CCDC141: variants seen among roughly 807,000 people sequenced by gnomAD.
CCDC141 encodes coiled-coil domain-containing protein 141.
A neutral mutation model predicts 181.0 loss-of-function variants in CCDC141; 168 were observed. That is an observed-to-expected ratio of 0.93 (90% CI 0.82 to 1.05). CCDC141 has a LOEUF of 1.05. Ranked by LOEUF, CCDC141 falls within the 50% of genes least tolerant of loss-of-function variation. The pLI is 0.00. For synonymous variants in CCDC141, 666 were observed against 642.3 expected (o/e 1.04, Z -0.56); for missense variants, 1,902 against 1,788.5 (o/e 1.06, Z -1.14).
intron 11 of CCDC141, among the ~76,000 whole-genome samples, chr2:178,881,056 A>C (rs1686581031): frequency 1.3e-5 from 2 of 152,202 alleles, no homozygotes; most frequent in African/African-American, 4.8e-5. Context: ...TTGTAGAAAA[A>C]GTGGGTACAA....
At chr2:179,024,634 G>A (rs1379731888) in intron 2 of CCDC141, among the ~76,000 whole-genome samples, 15 of 152,190 alleles carry the variant, frequency 9.9e-5, no homozygotes, top group Admixed American at 9.8e-4. Context: ...GAAGGTTTCA[G>A]AGAGCAATGA....
At chr2:178,984,880 C>G (rs1230261705) in intron 2 of CCDC141, among the ~76,000 whole-genome samples, 1 of 151,510 alleles carries the variant, frequency 6.6e-6, no homozygotes, top group Non-Finnish European at 1.5e-5. Context: ...GACTTTAACA[C>G]CCCACTGTCA....
intron 2 of CCDC141, among the ~76,000 whole-genome samples, chr2:179,015,594 G>GATATATA (rs2042488407): frequency 8.1e-5 from 3 of 36,904 alleles, no homozygotes; most frequent in African/African-American, 2.4e-4. Flanking sequence ...TATCTCATAT[G>GATATATA]TATCTCATAT....
intron 2 of CCDC141, among the ~76,000 whole-genome samples, chr2:179,030,610 T>A (rs552556630): frequency 6.6e-6 from 1 of 152,206 alleles, no homozygotes; most frequent in Non-Finnish European, 1.5e-5. Flanking sequence ...TTAGTATATT[T>A]TCATTTCATT....
chr2:178,891,941 C>G (rs1395900716), intron 8 of CCDC141, among the ~76,000 whole-genome samples: 1 of 152,008 alleles, frequency 6.6e-6, no homozygotes, highest in African/African-American at 2.4e-5. Flanking sequence ...GAACACATAG[C>G]CTTATAAGTA....
At chr2:178,849,927 C>A in intron 21 of CCDC141, 122 bp downstream of exon 21, 1 of 591,934 alleles carries the variant, frequency 1.7e-6, no homozygotes, top group Non-Finnish European at 3.0e-6. Context: ...AGCTGTAAAA[C>A]AAATGTGCAC....
intron 2 of CCDC141, among the ~76,000 whole-genome samples, chr2:179,028,552 T>C (rs2042919068): frequency 1.3e-5 from 2 of 152,218 alleles, no homozygotes; most frequent in African/African-American, 2.4e-5. Context: ...ATAAAGGACA[T>C]TCTGATTCAA....
intron 2 of CCDC141, among the ~76,000 whole-genome samples, chr2:178,986,111 A>G (rs1273364299): frequency 6.6e-6 from 1 of 152,212 alleles, no homozygotes; most frequent in Admixed American, 6.6e-5. Flanking sequence ...TCAAAAGCTT[A>G]TCCACCATGA....
intron 7 of CCDC141, among the ~76,000 whole-genome samples, chr2:178,911,858 G>A (rs1324492830): frequency 6.6e-6 from 1 of 152,238 alleles, no homozygotes; most frequent in African/African-American, 2.4e-5. Context: ...GAGGCACTAT[G>A]TGTAGATGAC....
In CCDC141 at chr2:178,880,998, A is replaced by G. The variant is rs114703228; in HGVS notation, c.1720-2855T>C. On this transcript the variant is annotated intron_variant, in intron 11 of 23. Coordinates refer to ENST00000443758, the MANE Select transcript of CCDC141 (RefSeq NM_173648.4). ...AGCTCATGACAGTTGGGGCTGAGGA[A>G]CCACTTTTGAGTTATTGGTGAAGAA... Among the ~76,000 whole-genome samples, 662 of 152,262 alleles carry G rather than the reference A, an allele frequency of 4.3e-3. 7 individuals are homozygous for G. Among genetic ancestry groups the G allele is most frequent in the African/African-American group, 0.015 (637 of 41,532 alleles).
intron 17 of CCDC141, among the ~76,000 whole-genome samples, chr2:178,857,872 T>C (rs1283198566): frequency 3.3e-5 from 5 of 152,174 alleles, no homozygotes; most frequent in African/African-American, 7.2e-5. Context: ...AAAAATATAC[T>C]TGCCCTACAA....
At chr2:178,983,685 C>T (rs1246068660) in intron 2 of CCDC141, among the ~76,000 whole-genome samples, 35 of 150,680 alleles carry the variant, frequency 2.3e-4, no homozygotes, top group South Asian at 2.1e-3. Context: ...CCTCAGGAGC[C>T]GATGCGATCA....
rs1396153038 is a variant in CCDC141 at position 178,837,616 on chromosome 2, G to C, written c.3603C>G (p.Leu1201=). The C allele has an allele frequency of 1.9e-6, 3 of 1,613,888 alleles. No homozygotes were observed. The African/African-American group carries it at 4.0e-5, about 22-fold the overall frequency. ...VQDLLLPEDM[L]SGEEYECVSP... Reference sequence around the variant, plus strand: ...AGACACACTCATATTCTTCCCCTGAGAGCATGTCTTCAGGCAGGAGCAGGT... The same window carrying C: ...AGACACACTCATATTCTTCCCCTGACAGCATGTCTTCAGGCAGGAGCAGGT... Residue 1201 remains leucine, a synonymous_variant, in exon 23 of 24, where the codon CTC becomes CTG. Coordinates refer to ENST00000443758, the MANE Select transcript of CCDC141 (RefSeq NM_173648.4).
At chr2:178,900,639 T>C (rs1269575794) in intron 8 of CCDC141, among the ~76,000 whole-genome samples, 2 of 152,126 alleles carry the variant, frequency 1.3e-5, no homozygotes, top group Non-Finnish European at 2.9e-5. Context: ...ACAGAATGTA[T>C]AAAAAATAAA....
rs59015092 is a variant in CCDC141 at position 178,920,695 on chromosome 2, TACACACAC to T, written c.898-1796_898-1789del. Among the ~76,000 whole-genome samples, 1,417 of 146,772 alleles carry T rather than the reference TACACACAC, an allele frequency of 9.7e-3. 24 individuals are homozygous for T. The highest frequency in any genetic ancestry group is 0.027 in the South Asian group (122 of 4,562). On this transcript the variant is annotated intron_variant, in intron 6 of 23. Coordinates refer to ENST00000443758, the MANE Select transcript of CCDC141 (RefSeq NM_173648.4). ...ATTGTGATCATGTCACTGAACTCCA[TACACACAC>T]ACACACACACACACACACACACACA... is the stretch of plus-strand genomic sequence containing the variant.
At chr2:179,025,124 T>C (rs1236230879) in intron 2 of CCDC141, among the ~76,000 whole-genome samples, 1 of 152,084 alleles carries the variant, frequency 6.6e-6, no homozygotes, top group East Asian at 1.9e-4. Flanking sequence ...TTTTAACTTC[T>C]ACTTTAAGAT....
intron 2 of CCDC141, among the ~76,000 whole-genome samples, chr2:178,983,693 T>C (rs551937464): frequency 6.9e-4 from 105 of 151,156 alleles, no homozygotes; most frequent in South Asian, 1.9e-3. Context: ...GCCGATGCGA[T>C]CAACTGGAAG....
chr2:178,966,048 G>A (rs929423671), intron 4 of CCDC141, among the ~76,000 whole-genome samples: 1 of 152,206 alleles, frequency 6.6e-6, no homozygotes, highest in African/African-American at 2.4e-5. Context: ...CAGCAACGCT[G>A]CTGTGGCCAG....
chr2:178,820,829 A>G, the CCDC141 span, among the ~76,000 whole-genome samples: 1 of 152,198 alleles, frequency 6.6e-6, no homozygotes, highest in Non-Finnish European at 1.5e-5. Context: ...GCTCTTCATT[A>G]AAGCAGGTAC....
Sources: allele counts gnomAD v4.1 joint callset (sites outside exome capture counted in the v4.1 genomes callset), GRCh38; gene constraint gnomAD v4.1.1; transcripts MANE v1.5; gene names NCBI Gene and HGNC (gene_info 2026-07-23, HGNC 2026-07-21).